The following ADGRF3 variants were observed in gnomAD, a reference collection of about 807,000 sequenced individuals.
The protein encoded by ADGRF3 is G protein-coupled receptor 113.
ADGRF3 carries 85 observed loss-of-function variants against 93.2 expected under a neutral mutation model. The ratio of observed to expected loss-of-function variants is 0.91; its 90% CI spans 0.77 to 1.09. The LOEUF (loss-of-function observed/expected upper bound fraction) is 1.09. Among genes scored for constraint, ADGRF3 ranks in the 50% least tolerant of loss-of-function variants. The pLI is 0.00. For synonymous variants in ADGRF3, 534 were observed against 532.5 expected (o/e 1.00, Z -0.04); for missense variants, 1,125 against 1,246.2 (o/e 0.90, Z 1.46).
At position 26,308,291 on chromosome 2, in the gene ADGRF3, G is replaced by C. The variant is rs1329826286; in HGVS notation, c.*795C>G. On this transcript the variant is annotated 3_prime_UTR_variant, in exon 14 of 14. Transcript: ENST00000651242. The stretch of plus-strand genomic sequence containing the variant: ...TCATCAGACTTTTTTCACGTATCTA[G>C]TTTAAAAATTTCTCAGAATCCTGTC... The C allele has an allele frequency of 6.6e-6, 1 of 152,006 alleles. No individual in the cohort carries two copies. Among genetic ancestry groups the C allele is most frequent in the Admixed American group, 6.5e-5 (1 of 15,280 alleles). The allele number at this position is 152,006 out of a possible 1,614,324, so 9.4% of individuals were successfully genotyped here.
Position 26,314,410 on chromosome 2 carries a change from A to G in ADGRF3, c.928+4T>C, listed in dbSNP as rs372491927. The G allele has an allele frequency of 1.9e-6, 3 of 1,611,250 alleles. No homozygotes were observed. The highest frequency in any genetic ancestry group is 2.2e-5 in the East Asian group (1 of 44,818). ...GACCCCTGACTGCTGGCCCCTTCTCATACCTTTGCTGCCCTCTCCAGGGCT... is the reference window on the plus strand; with the variant it reads ...GACCCCTGACTGCTGGCCCCTTCTCGTACCTTTGCTGCCCTCTCCAGGGCT... On this transcript the variant is annotated splice_donor_region_variant and intron_variant, in intron 6 of 13. Transcript: ENST00000651242.
chr2:26,332,199 G>C (rs1675806446), intron 1 of ADGRF3, among the ~76,000 whole-genome samples: 1 of 152,192 alleles, frequency 6.6e-6, no homozygotes, highest in Non-Finnish European at 1.5e-5. Context: ...AAACGAGTTT[G>C]CCTTGTGAGG....
At chr2:26,310,650 A>G (rs750525280) in intron 10 of ADGRF3, 42 bp downstream of exon 10, 1 of 1,568,204 alleles carries the variant, frequency 6.4e-7, no homozygotes, top group South Asian at 1.2e-5. Flanking sequence ...GACTTAGACC[A>G]TCTAAAAAAG....
chr2:26,312,843 A>T, intron 9 of ADGRF3, 100 bp downstream of exon 9: 1 of 1,145,884 alleles, frequency 8.7e-7, no homozygotes, highest in Non-Finnish European at 1.2e-6. Flanking sequence ...CTGCTGCCCA[A>T]CAGCCCATGG....
chr2:26,327,626 C>A (rs1371345361), intron 1 of ADGRF3, among the ~76,000 whole-genome samples: 1 of 148,316 alleles, frequency 6.7e-6, no homozygotes, highest in Non-Finnish European at 1.5e-5. Flanking sequence ...GGGGCTCACA[C>A]CTGGTGAGGG....
intron 4 of ADGRF3, 158 bp downstream of exon 4, chr2:26,316,117 G>A: frequency 1.4e-6 from 1 of 726,164 alleles, no homozygotes; most frequent in Non-Finnish European, 2.2e-6. Flanking sequence ...CCAAGCTCAG[G>A]GCCTGTGATC....
At position 26,346,149 on chromosome 2, in the gene ADGRF3, C is replaced by G. The variant is rs769874444; in HGVS notation, c.86G>C (p.Arg29Thr). Reference sequence around the variant, plus strand: ...CTCGGGCAGCCCAGTCTTTGCCATCCTTGCCCAGCCGGTGTGGTGCTTGTG... The same window carrying G: ...CTCGGGCAGCCCAGTCTTTGCCATCGTTGCCCAGCCGGTGTGGTGCTTGTG... ...VTHKHHTGWA[R>T]MAKTGLPEKG... is the part of the protein sequence containing the mutation. The change falls in exon 1 of 14, where the codon AGG (arginine) becomes ACG (threonine). Residue 29 changes from arginine (R) to threonine (T), a missense_variant. Physicochemically the swap from Arg to Thr is moderately conservative, Grantham distance 71. Transcript: ENST00000651242. The G allele has an allele frequency of 1.6e-5, 25 of 1,605,734 alleles. No individual in the cohort carries two copies. The highest frequency in any genetic ancestry group is 2.1e-5 in the Non-Finnish European group (25 of 1,176,570).
intron 6 of ADGRF3, 113 bp downstream of exon 6, chr2:26,314,301 A>C (rs916088379): frequency 7.0e-5 from 69 of 983,802 alleles, no homozygotes; most frequent in Non-Finnish European, 1.0e-4. Flanking sequence ...CTTGGACCCC[A>C]CTCTCTGGTT....
intron 6 of ADGRF3, among the ~76,000 whole-genome samples, chr2:26,314,211 CAA>C (rs1674448015): frequency 6.6e-6 from 1 of 152,144 alleles, no homozygotes; most frequent in South Asian, 2.1e-4. Flanking sequence ...CAGCATTTTG[CAA>C]AAGTTTCCTA....
chr2:26,316,306 G>C lies in ADGRF3; in HGVS notation c.468C>G (p.Pro156=), dbSNP rs376064848. The C allele has an allele frequency of 1.4e-5, 21 of 1,551,776 alleles. No individual in the cohort carries two copies. Among genetic ancestry groups the C allele is most frequent in the Non-Finnish European group, 1.7e-5 (20 of 1,146,968 alleles). Residue 156 remains proline, a synonymous_variant, in exon 4 of 14, where the codon CCC becomes CCG. Coordinates refer to ENST00000651242, the MANE Select transcript of ADGRF3 (RefSeq NM_001321971.2). ...GCAGCAACTGGCAGTACCCGGGTTC[G>C]GGATGGCTGAAGACAAGGCAGCCAC... is the stretch of plus-strand genomic sequence containing the variant. ...QPCGCLVFSH[P]EPGYCQLLPP...
chr2:26,345,007 C>T (rs1321982895), intron 1 of ADGRF3, among the ~76,000 whole-genome samples: 5 of 152,112 alleles, frequency 3.3e-5, no homozygotes. Context: ...TCAAAATAAT[C>T]GCCCTTATTT....
At chr2:26,341,501 G>A (rs1257892879) in intron 1 of ADGRF3, among the ~76,000 whole-genome samples, 1 of 152,114 alleles carries the variant, frequency 6.6e-6, no homozygotes, top group Non-Finnish European at 1.5e-5. Context: ...TCATTATATT[G>A]CGTAGACTTT....
chr2:26,324,412 G>A (rs1258067843), intron 1 of ADGRF3, among the ~76,000 whole-genome samples: 1 of 152,150 alleles, frequency 6.6e-6, no homozygotes, highest in Non-Finnish European at 1.5e-5. Context: ...CTTGAGTCAT[G>A]GAGGTTTGTT....
In ADGRF3 at chr2:26,326,978, C is replaced by T. The variant is rs558262286; in HGVS notation, c.115-9416G>A. Among the ~76,000 whole-genome samples, 10 of 152,354 alleles carry T rather than the reference C, an allele frequency of 6.6e-5. No homozygotes were observed. The South Asian group carries it at 2.1e-3, about 32-fold the overall frequency. On this transcript the variant is annotated intron_variant, in intron 1 of 13. Transcript: ENST00000651242. Reference sequence around the variant, plus strand: ...AGAGATGGGGTTTCACCATGTGGGCCAGGCTAGTCTCAAACTCCTGACCTC... The same window carrying T: ...AGAGATGGGGTTTCACCATGTGGGCTAGGCTAGTCTCAAACTCCTGACCTC...
At chr2:26,313,225 A>G in intron 8 of ADGRF3, 103 bp from the exon 9 acceptor site, 1 of 1,476,390 alleles carries the variant, frequency 6.8e-7, no homozygotes, top group African/African-American at 1.4e-5. Context: ...AAGCCCTCTC[A>G]CTCCTACTTC....
chr2:26,313,668 G>A (rs1674396792), intron 7 of ADGRF3, 92 bp downstream of exon 7: 2 of 1,571,652 alleles, frequency 1.3e-6, no homozygotes, highest in Admixed American at 3.6e-5. Flanking sequence ...GCCTGGTCCT[G>A]TTGCCCAGGG....
chr2:26,309,603 C>A (rs1368741002), intron 12 of ADGRF3, 22 bp from the exon 13 acceptor site: 2 of 1,610,106 alleles, frequency 1.2e-6, no homozygotes, highest in East Asian at 4.5e-5. Flanking sequence ...TGGGAAGGCC[C>A]AATTGCAGGG....
intron 1 of ADGRF3, chr2:26,345,780 C>G (rs1289155166): frequency 3.0e-6 from 1 of 338,924 alleles, no homozygotes; most frequent in Non-Finnish European, 5.6e-6. Flanking sequence ...TACCCCAGAT[C>G]ACCACGCAAG....
In ADGRF3 at chr2:26,310,674, C is replaced by T; in HGVS notation, c.2832+18G>A. Reference sequence around the variant, plus strand: ...CATCTAAAAAAGCAAAAAACACAGCCACCCCCCTATCACCTACCTGGAGGG... The same window carrying T: ...CATCTAAAAAAGCAAAAAACACAGCTACCCCCCTATCACCTACCTGGAGGG... On this transcript the variant is annotated intron_variant, in intron 10 of 13. Coordinates refer to ENST00000651242, the MANE Select transcript of ADGRF3 (RefSeq NM_001321971.2). 2.5e-6 allele frequency: 4 copies of T among 1,600,298 alleles called. No homozygotes were observed. The highest frequency in any genetic ancestry group is 1.1e-5 in the South Asian group (1 of 88,416).
Sources: gnomAD v4.1 joint callset for allele counts (sites outside exome capture counted in the v4.1 genomes callset) on GRCh38, gnomAD v4.1.1 for gene constraint, MANE v1.5 for transcripts, NCBI Gene and HGNC (gene_info 2026-07-23, HGNC 2026-07-21) for gene names.